Variants in PPM1B observed in about 807,000 individuals in gnomAD.
PPM1B encodes protein phosphatase, Mg2+/Mn2+ dependent 1B.
PPM1B carries 22 observed loss-of-function variants against 43.0 expected under a neutral mutation model. That is an observed-to-expected ratio of 0.51 (90% CI 0.37 to 0.73). The LOEUF is 0.73. Among genes scored for constraint, PPM1B ranks in the 30% least tolerant of loss-of-function variants. The pLI is 0.00. For synonymous variants in PPM1B, 217 were observed against 197.9 expected (o/e 1.10, Z -0.81); for missense variants, 632 against 584.2 (o/e 1.08, Z -0.84).
intron 1 of PPM1B, among the ~76,000 whole-genome samples, chr2:44,176,582 C>T (rs1466259055): frequency 1.3e-5 from 2 of 152,202 alleles, no homozygotes; most frequent in African/African-American, 4.8e-5. Context: ...ATGTGTGAAG[C>T]AGGTGCTTAA....
intron 1 of PPM1B, among the ~76,000 whole-genome samples, chr2:44,178,922 A>G (rs372406903): frequency 4.4e-4 from 67 of 152,384 alleles, no homozygotes; most frequent in African/African-American, 1.6e-3. Flanking sequence ...GATTCAATAT[A>G]TAAACAATGA....
chr2:44,221,477 T>C (rs1229011649), intron 5 of PPM1B, among the ~76,000 whole-genome samples: 1 of 152,106 alleles, frequency 6.6e-6, no homozygotes, highest in Non-Finnish European at 1.5e-5. Context: ...TTCTTAACAG[T>C]GTGGATGATG....
At chr2:44,188,735 CTTCT>C (rs1572697779) in intron 1 of PPM1B, among the ~76,000 whole-genome samples, 5 of 141,622 alleles carry the variant, frequency 3.5e-5, no homozygotes, top group South Asian at 2.2e-4. Flanking sequence ...TCCTTCCTTC[CTTCT>C]TTCCTTCCTT....
downstream of PPM1B, among the ~76,000 whole-genome samples, chr2:44,235,994 C>G (rs1489708239): frequency 6.6e-6 from 1 of 151,960 alleles, no homozygotes; most frequent in Non-Finnish European, 1.5e-5. Flanking sequence ...TGCTTCCAAG[C>G]TGCTTCACCG....
chr2:44,174,561 T>C (rs1417611941), intron 1 of PPM1B, among the ~76,000 whole-genome samples: 1 of 152,242 alleles, frequency 6.6e-6, no homozygotes, highest in African/African-American at 2.4e-5. Flanking sequence ...AATGCAGTTA[T>C]GTTATCAGGT....
chr2:44,235,854 C>T (rs530603549), downstream of PPM1B, among the ~76,000 whole-genome samples: 12 of 151,558 alleles, frequency 7.9e-5, no homozygotes, highest in African/African-American at 2.7e-4. Flanking sequence ...AGCTATGATC[C>T]AGCCACTGCA....
intron 3 of PPM1B, among the ~76,000 whole-genome samples, chr2:44,216,136 T>G (rs1669706926): frequency 6.6e-6 from 1 of 152,204 alleles, no homozygotes; most frequent in Non-Finnish European, 1.5e-5. Flanking sequence ...TCTCTCTTAG[T>G]TGCTGTATGG....
chr2:44,222,520 G>A (rs568779583), intron 5 of PPM1B, among the ~76,000 whole-genome samples: 9 of 152,246 alleles, frequency 5.9e-5, no homozygotes, highest in Admixed American at 5.9e-4. Context: ...GAGCAGGGGG[G>A]TGACCTGTAT....
Position 44,199,330 on chromosome 2 carries a change from A to T in PPM1B, c.-14-1856A>T, listed in dbSNP as rs111362772. The stretch of plus-strand genomic sequence containing the variant: ...AAAAAAAAAAAAATAAAAATAAAAA[A>T]AAAAAAAATTGAGCCAGGTATGGTG... On this transcript the variant is annotated intron_variant, in intron 1 of 5. Transcript: ENST00000282412. 7.2e-3 allele frequency among the ~76,000 whole-genome samples: 1,060 copies of T among 148,146 alleles called. 19 individuals are homozygous for T. In the East Asian group the frequency reaches 0.073, roughly 10 times the overall value.
chr2:44,170,334 TTAATGTATC>T, intron 1 of PPM1B, among the ~76,000 whole-genome samples: 1 of 152,244 alleles, frequency 6.6e-6, no homozygotes, highest in Non-Finnish European at 1.5e-5. Flanking sequence ...CTCCACATGT[TTAATGTATC>T]AAAATAAAGT....
intron 2 of PPM1B, among the ~76,000 whole-genome samples, chr2:44,207,840 C>G (rs542507171): frequency 6.6e-6 from 1 of 150,384 alleles, no homozygotes; most frequent in South Asian, 2.1e-4. Flanking sequence ...ACCGAGGCCT[C>G]CCGAAGTGCT....
intron 2 of PPM1B, among the ~76,000 whole-genome samples, chr2:44,205,374 T>TGTGTGTGTGTGTGTGG (rs1553333054): frequency 2.6e-5 from 4 of 151,358 alleles, no homozygotes; most frequent in African/African-American, 9.8e-5. Flanking sequence ...TGTGTGTGTG[T>TGTGTGTGTGTGTGTGG]GTGTGTAAGT....
rs1558409222 is a variant in PPM1B, at chr2:44,202,062, G to C, written c.846+17G>C. On this transcript the variant is annotated intron_variant, in intron 2 of 5. Coordinates refer to ENST00000282412, the MANE Select transcript of PPM1B (RefSeq NM_002706.6). ...TTACACAAGGTATGTAAACTTTTTTGTCATTAAAATAACATGTTAATTTTG... is the reference window on the plus strand; with the variant it reads ...TTACACAAGGTATGTAAACTTTTTTCTCATTAAAATAACATGTTAATTTTG... The C allele has an allele frequency of 6.7e-7, 1 of 1,488,114 alleles. No homozygotes were observed. Among genetic ancestry groups the C allele is most frequent in the Non-Finnish European group, 8.9e-7 (1 of 1,119,964 alleles). The allele number at this position is 1,488,114 out of a possible 1,614,324, so 92.2% of individuals were successfully genotyped here. A position where few individuals can be genotyped will look rare whatever the true frequency, so the allele number is the denominator to read the frequency against.
chr2:44,218,781 G>A (rs1264057534), intron 5 of PPM1B: 7 of 448,582 alleles, frequency 1.6e-5, no homozygotes, highest in Non-Finnish European at 2.9e-5. Context: ...TTTTTGTTTG[G>A]GCTGTCTTTA....
At chr2:44,188,886 G>C (rs1038640606) in intron 1 of PPM1B, among the ~76,000 whole-genome samples, 1 of 145,910 alleles carries the variant, frequency 6.9e-6, no homozygotes, top group African/African-American at 2.5e-5. Flanking sequence ...GAGGAAGCAA[G>C]ATAGAGAGGG....
chr2:44,194,443 G>C (rs1421185806), intron 1 of PPM1B, among the ~76,000 whole-genome samples: 3 of 152,172 alleles, frequency 2.0e-5, no homozygotes, highest in Non-Finnish European at 4.4e-5. Flanking sequence ...GGCTGAGCAG[G>C]CCGGGCGTGT....
intron 1 of PPM1B, among the ~76,000 whole-genome samples, chr2:44,171,910 C>G (rs573251153): frequency 6.6e-6 from 1 of 151,134 alleles, no homozygotes; most frequent in Non-Finnish European, 1.5e-5. Context: ...GTGACATTAC[C>G]TAGCATAGAA....
downstream of PPM1B, chr2:44,233,624 T>G (rs921722734): frequency 1.5e-5 from 15 of 985,700 alleles, no homozygotes; most frequent in Non-Finnish European, 1.7e-5. Flanking sequence ...ATTGCCCTTG[T>G]GTGTAGTTAA....
intron 5 of PPM1B, among the ~76,000 whole-genome samples, chr2:44,226,344 G>T (rs1253511939): frequency 6.6e-6 from 1 of 152,130 alleles, no homozygotes; most frequent in Non-Finnish European, 1.5e-5. Context: ...AGAAATACAG[G>T]TGATTAATAA....
Sources: gnomAD v4.1 joint callset for allele counts (sites outside exome capture counted in the v4.1 genomes callset) on GRCh38, gnomAD v4.1.1 for gene constraint, MANE v1.5 for transcripts, NCBI Gene and HGNC (gene_info 2026-07-23, HGNC 2026-07-21) for gene names.